Variants in WDFY2 observed in about 807,000 individuals in gnomAD.
WDFY2 encodes WD repeat and FYVE domain-containing protein 2.
A neutral mutation model predicts 56.4 loss-of-function variants in WDFY2; 36 were observed. That is an observed-to-expected ratio of 0.64 (90% CI 0.49 to 0.84). The LOEUF (loss-of-function observed/expected upper bound fraction) is 0.84, where lower values mean the gene tolerates loss of function less well. Among genes scored for constraint, WDFY2 ranks in the 40% least tolerant of loss-of-function variants. The pLI, the probability that WDFY2 is intolerant of heterozygous loss-of-function variation, is 0.00. For synonymous variants in WDFY2, 176 were observed against 183.7 expected (o/e 0.96, Z 0.34); for missense variants, 444 against 512.2 (o/e 0.87, Z 1.29).
intron 2 of WDFY2, among the ~76,000 whole-genome samples, chr13:51,669,734 G>A (rs192837081): frequency 1.3e-5 from 2 of 152,274 alleles, no homozygotes; most frequent in African/African-American, 4.8e-5. Flanking sequence ...TTGAATTTCA[G>A]TTATTGGGTT....
chr13:51,701,597 C>A (rs1433583040), intron 3 of WDFY2, among the ~76,000 whole-genome samples: 7 of 150,212 alleles, frequency 4.7e-5, no homozygotes. Flanking sequence ...TTTTTATTAT[C>A]ATAGGAAAAA....
Position 51,608,420 on chromosome 13 carries a change from G to A in WDFY2, c.137+23596G>A, listed in dbSNP as rs559760899. Among the ~76,000 whole-genome samples, 3 of 152,248 alleles carry A rather than the reference G, an allele frequency of 2.0e-5. No individual in the cohort carries two copies. The East Asian group carries it at 5.8e-4, about 29-fold the overall frequency. On this transcript the variant is annotated intron_variant, in intron 1 of 11. Transcript: ENST00000298125. Reference sequence around the variant, plus strand: ...CGTTTGGCTGGGTGTGGTGGCTCACGCCTGTAATCCCAACACTTTGGGAGG... The same window carrying A: ...CGTTTGGCTGGGTGTGGTGGCTCACACCTGTAATCCCAACACTTTGGGAGG...
chr13:51,595,508 C>T (rs1237967897), intron 1 of WDFY2, among the ~76,000 whole-genome samples: 1 of 152,150 alleles, frequency 6.6e-6, no homozygotes, highest in Non-Finnish European at 1.5e-5. Flanking sequence ...CCTGCAGACC[C>T]CTTGCTCCTG....
At chr13:51,686,012 C>A in intron 3 of WDFY2, among the ~76,000 whole-genome samples, 1 of 152,108 alleles carries the variant, frequency 6.6e-6, no homozygotes, top group East Asian at 1.9e-4. Flanking sequence ...CCCTTTCTTC[C>A]CAACACTCTG....
At chr13:51,631,281 C>G (rs1954947262) in intron 1 of WDFY2, among the ~76,000 whole-genome samples, 1 of 151,178 alleles carries the variant, frequency 6.6e-6, no homozygotes, top group African/African-American at 2.4e-5. Flanking sequence ...GTCTCAGCTA[C>G]TTGAGAGACT....
At chr13:51,669,234 T>C (rs994899545) in intron 2 of WDFY2, among the ~76,000 whole-genome samples, 5 of 152,234 alleles carry the variant, frequency 3.3e-5, no homozygotes, top group African/African-American at 1.2e-4. Context: ...CTCTTTGTTT[T>C]GATTTTCACT....
chr13:51,716,708 A>AT (rs1408963600), intron 4 of WDFY2, among the ~76,000 whole-genome samples: 1 of 150,670 alleles, frequency 6.6e-6, no homozygotes, highest in Non-Finnish European at 1.5e-5. Context: ...AAAAAAAAAA[A>AT]AAAATCAACA....
At position 51,763,159 on chromosome 13, in the gene WDFY2, A is replaced by G. The variant is rs531481003; in HGVS notation, c.*3390A>G. 6.6e-6 allele frequency: 1 copy of G among 152,330 alleles called. No individual in the cohort carries two copies. Among genetic ancestry groups the G allele is most frequent in the East Asian group, 1.9e-4 (1 of 5,182 alleles). 9.4% of individuals were successfully genotyped at this position (152,330 alleles called of 1,614,324 possible). On this transcript the variant is annotated 3_prime_UTR_variant, in exon 12 of 12. Coordinates refer to ENST00000298125, the MANE Select transcript of WDFY2 (RefSeq NM_052950.4). ...AGATGTAAACAAGAGAATCTAAAAGAATGTTCAAGGAATAGCTGTTTTTGA... is the reference window on the plus strand; with the variant it reads ...AGATGTAAACAAGAGAATCTAAAAGGATGTTCAAGGAATAGCTGTTTTTGA...
At chr13:51,637,294 T>C (rs551572399) in intron 1 of WDFY2, among the ~76,000 whole-genome samples, 1 of 152,354 alleles carries the variant, frequency 6.6e-6, no homozygotes, top group African/African-American at 2.4e-5. Flanking sequence ...GAGCATTTTA[T>C]TTCTAGAATT....
At chr13:51,706,588 C>A (rs780183408) in intron 4 of WDFY2, among the ~76,000 whole-genome samples, 1 of 152,068 alleles carries the variant, frequency 6.6e-6, no homozygotes, top group Non-Finnish European at 1.5e-5. Flanking sequence ...AATTTTACCT[C>A]GATAAATCAA....
intron 3 of WDFY2, among the ~76,000 whole-genome samples, chr13:51,681,699 AT>A (rs1955979266): frequency 6.6e-6 from 1 of 152,214 alleles, no homozygotes; most frequent in South Asian, 2.1e-4. Context: ...ATATGAAAAT[AT>A]ATGCATATTT....
intron 7 of WDFY2, among the ~76,000 whole-genome samples, chr13:51,744,164 T>C (rs1035281929): frequency 6.6e-6 from 1 of 152,196 alleles, no homozygotes; most frequent in African/African-American, 2.4e-5. Context: ...TCCTTGGAGC[T>C]TGGAAGATTT....
At chr13:51,648,170 G>A (rs1955296528) in intron 1 of WDFY2, among the ~76,000 whole-genome samples, 1 of 152,132 alleles carries the variant, frequency 6.6e-6, no homozygotes, top group Non-Finnish European at 1.5e-5. Context: ...GAGGCACGTG[G>A]GAATTCCCTG....
intron 1 of WDFY2, among the ~76,000 whole-genome samples, chr13:51,621,262 T>C (rs970389282): frequency 1.3e-5 from 2 of 152,186 alleles, no homozygotes; most frequent in Admixed American, 6.5e-5. Context: ...CCCAGCACTT[T>C]GGGAGGCCGA....
intron 1 of WDFY2, among the ~76,000 whole-genome samples, chr13:51,651,273 T>C (rs1177812019): frequency 6.6e-6 from 1 of 152,228 alleles, no homozygotes; most frequent in African/African-American, 2.4e-5. Context: ...CCCTTTATCA[T>C]TTTTTATTGC....
In WDFY2 at chr13:51,760,524, A is replaced by C. The variant is rs1475006029; in HGVS notation, c.*755A>C. The C allele has an allele frequency of 6.6e-6, 1 of 151,954 alleles. No individual in the cohort carries two copies. Among genetic ancestry groups the C allele is most frequent in the African/African-American group, 2.4e-5 (1 of 41,340 alleles). The allele number at this position is 151,954 out of a possible 1,614,324, so 9.4% of individuals were successfully genotyped here. ...ACAGAAGTAGATTATTTTAACTCAG[A>C]GCTTCAACGATCAGTGCCTGGATCA... is the stretch of plus-strand genomic sequence containing the variant. On this transcript the variant is annotated 3_prime_UTR_variant, in exon 12 of 12. Coordinates refer to ENST00000298125, the MANE Select transcript of WDFY2 (RefSeq NM_052950.4).
chr13:51,684,483 G>T (rs1157123116), intron 3 of WDFY2, among the ~76,000 whole-genome samples: 1 of 151,474 alleles, frequency 6.6e-6, no homozygotes, highest in African/African-American at 2.4e-5. Context: ...CTGCCCTCCT[G>T]CTGCTTACTC....
chr13:51,725,396 T>C lies in WDFY2; in HGVS notation c.486-2282T>C, dbSNP rs182601429. ...AATATTTTTACATATTAAAAATACA[T>C]AAAATTTTTGCTCAGGCATGGTGGC... On this transcript the variant is annotated intron_variant, in intron 5 of 11. Transcript: ENST00000298125. Among the ~76,000 whole-genome samples the C allele has an allele frequency of 3.7e-3, 567 of 152,288 alleles. 4 individuals are homozygous for C. The highest frequency in any genetic ancestry group is 0.013 in the African/African-American group (533 of 41,548).
At chr13:51,707,713 T>A (rs985444269) in intron 4 of WDFY2, among the ~76,000 whole-genome samples, 8 of 152,054 alleles carry the variant, frequency 5.3e-5, no homozygotes, top group African/African-American at 1.7e-4. Flanking sequence ...AAGGTTTTTT[T>A]CATATGTTGT....
Sources: gnomAD v4.1 joint callset for allele counts (sites outside exome capture counted in the v4.1 genomes callset) on GRCh38, gnomAD v4.1.1 for gene constraint, MANE v1.5 for transcripts, NCBI Gene and HGNC (gene_info 2026-07-23, HGNC 2026-07-21) for gene names.